Variants in TRAIP observed in about 807,000 individuals in gnomAD.
TRAIP encodes E3 ubiquitin-protein ligase TRAIP.
TRAIP carries 37 observed loss-of-function variants against 65.0 expected under a neutral mutation model. That is an observed-to-expected ratio of 0.57 (90% confidence interval 0.44 to 0.75). The LOEUF (loss-of-function observed/expected upper bound fraction) is 0.75. TRAIP is among the 30% of genes least tolerant of loss of function. The pLI, the probability that TRAIP is intolerant of heterozygous loss-of-function variation, is 0.00. For missense variants in TRAIP, 481 were observed against 579.4 expected (o/e 0.83, Z 1.74); for synonymous variants, 187 against 219.1 (o/e 0.85, Z 1.29).
rs1308368394 is a variant in TRAIP, at chr3:49,830,072, C to T, written c.1038-4G>A. The T allele has an allele frequency of 6.2e-7, 1 of 1,613,998 alleles. No individual in the cohort carries two copies. The highest frequency in any genetic ancestry group is 8.5e-7 in the Non-Finnish European group (1 of 1,180,020). On this transcript the variant is annotated splice_polypyrimidine_tract_variant and splice_region_variant and intron_variant, in intron 11 of 14. Coordinates refer to ENST00000331456, the MANE Select transcript of TRAIP (RefSeq NM_005879.3). ...GGGGACATCCTGAATTGGGGAGCTA[C>T]AAGAATGAGAGAGAAGGCAAGGGGT...
At position 49,829,673 on chromosome 3, in the gene TRAIP, G is replaced by C; in HGVS notation, c.1180C>G (p.Leu394Val). The C allele has an allele frequency of 1.2e-6, 2 of 1,614,166 alleles. No homozygotes were observed. Among genetic ancestry groups the C allele is most frequent in the Non-Finnish European group, 1.7e-6 (2 of 1,180,036 alleles). Residue 394 changes from leucine to valine, a missense_variant, in exon 13 of 15, where the codon CTA (leucine) becomes GTA (valine). Transcript: ENST00000331456. ...GGCCTCTTGGGCTGTTTCTGGCCTA[G>C]GATGGCATTCCGGACAAAAATAGGG... is the stretch of plus-strand genomic sequence containing the variant. ...AFPIFVRNAI[L>V]GQKQPKRPRS...
rs1139895 is a variant in TRAIP at position 49,829,015 on chromosome 3, G to A, written c.*88C>T. The A allele has an allele frequency of 6.3e-7, 1 of 1,588,588 alleles. No homozygotes were observed. Among genetic ancestry groups the A allele is most frequent in the Non-Finnish European group, 8.6e-7 (1 of 1,160,132 alleles). On this transcript the variant is annotated 3_prime_UTR_variant, in exon 15 of 15. Coordinates refer to ENST00000331456, the MANE Select transcript of TRAIP (RefSeq NM_005879.3). The stretch of plus-strand genomic sequence containing the variant: ...TACACCTCAGGCTGGTCCCGAAAGT[G>A]GGGCTCTGTCCACAAAACCCCTGCC...
Position 49,841,747 on chromosome 3 carries a change from C to T in TRAIP, c.617+79G>A, listed in dbSNP as rs1305509696. ...TTGCCCCTTAGTTCCATCTGCTTTA[C>T]AAGAGATGGGGAGCAATGACACGGC... On this transcript the variant is annotated intron_variant, in intron 7 of 14. Coordinates refer to ENST00000331456, the MANE Select transcript of TRAIP (RefSeq NM_005879.3). 5.2e-6 allele frequency: 6 copies of T among 1,148,700 alleles called. No homozygotes were observed. The East Asian group carries it at 7.2e-5, about 14-fold the overall frequency. 71.2% of individuals were successfully genotyped at this position (1,148,700 alleles called of 1,614,324 possible).
chr3:49,839,079 C>G (rs1172410724), intron 10 of TRAIP, among the ~76,000 whole-genome samples: 1 of 151,828 alleles, frequency 6.6e-6, no homozygotes, highest in African/African-American at 2.4e-5. Context: ...ATCCCAGCTA[C>G]TCAGGAGGCT....
intron 5 of TRAIP, 62 bp downstream of exon 5, chr3:49,843,739 G>A (rs767707412): frequency 1.2e-5 from 19 of 1,574,228 alleles, no homozygotes; most frequent in Non-Finnish European, 1.5e-5. Context: ...CCAGAATGGG[G>A]AGTCCAGTTC....
Position 49,829,210 on chromosome 3 carries a change from T to A in TRAIP, c.1303A>T (p.Ile435Phe). The A allele has an allele frequency of 6.2e-7, 1 of 1,614,162 alleles. No homozygotes were observed. The highest frequency in any genetic ancestry group is 1.3e-5 in the African/African-American group (1 of 75,018). ...KFIQPTDTVM[I>F]RPLPVKPKTK... ...TTGGGCTTAACAGGCAATGGGCGGA[T>A]CATGACTGTGTCAGTCTGGAGGAGC... The change falls in exon 15 of 15, where the codon ATC becomes TTC. Residue 435 changes from isoleucine (I) to phenylalanine (F), a missense_variant. Coordinates refer to ENST00000331456, the MANE Select transcript of TRAIP (RefSeq NM_005879.3).
At chr3:49,843,752 G>A (rs1181625300) in intron 5 of TRAIP, 49 bp downstream of exon 5, 3 of 1,588,526 alleles carry the variant, frequency 1.9e-6, no homozygotes, top group African/African-American at 2.7e-5. Context: ...TCCAGTTCTG[G>A]GGCAATACCT....
At position 49,856,532 on chromosome 3, in the gene TRAIP, G is replaced by C. The variant is rs1423863221; in HGVS notation, c.-79C>G. On this transcript the variant is annotated 5_prime_UTR_variant, in exon 1 of 15. Transcript: ENST00000331456. The stretch of plus-strand genomic sequence containing the variant: ...TTCGTAGACGCGCCCCCGCGCCTCC[G>C]CTTGCTTCAAATTTGGCTCCGCAGC... The C allele has an allele frequency of 3.0e-6, 4 of 1,355,206 alleles. No individual in the cohort carries two copies. The highest frequency in any genetic ancestry group is 1.9e-4 in the Middle Eastern group (1 of 5,292). 83.9% of individuals were successfully genotyped at this position (1,355,206 alleles called of 1,614,324 possible). A position where few individuals can be genotyped will look rare whatever the true frequency, so the allele number is the denominator to read the frequency against.
At chr3:49,838,437 G>C (rs550830088) in intron 10 of TRAIP, among the ~76,000 whole-genome samples, 16 of 152,346 alleles carry the variant, frequency 1.1e-4, no homozygotes, top group African/African-American at 3.6e-4. Flanking sequence ...TATATAGCTG[G>C]TTGGCTGTGG....
chr3:49,843,369 T>G (rs1055168041), intron 5 of TRAIP: 1 of 160,614 alleles, frequency 6.2e-6, no homozygotes, highest in Admixed American at 6.0e-5. Context: ...ACAGCTGACT[T>G]CAAAGGCCCT....
chr3:49,855,556 T>C (rs933571998), intron 1 of TRAIP, among the ~76,000 whole-genome samples: 7 of 152,216 alleles, frequency 4.6e-5, no homozygotes, highest in African/African-American at 1.2e-4. Flanking sequence ...ATTTCTAGTC[T>C]AACCAAACAG....
At position 49,832,450 on chromosome 3, in the gene TRAIP, A is replaced by G. The variant is rs967229683; in HGVS notation, c.885-382T>C. On this transcript the variant is annotated intron_variant, in intron 10 of 14. Coordinates refer to ENST00000331456, the MANE Select transcript of TRAIP (RefSeq NM_005879.3). The stretch of plus-strand genomic sequence containing the variant: ...GCTTGCGGTGAGCCGAGATCGCGCC[A>G]CTGCACTCCAGCCTGGGCGACAGAG... Among the ~76,000 whole-genome samples, 14 of 149,006 alleles carry G rather than the reference A, an allele frequency of 9.4e-5. No individual in the cohort carries two copies. The South Asian group carries it at 3.0e-3, about 31-fold the overall frequency.
intron 1 of TRAIP, among the ~76,000 whole-genome samples, chr3:49,853,488 A>G (rs1200280159): frequency 7.9e-5 from 12 of 152,264 alleles, no homozygotes; most frequent in African/African-American, 2.9e-4. Context: ...AAAAAGATAT[A>G]CCATGCAGTC....
intron 3 of TRAIP, among the ~76,000 whole-genome samples, chr3:49,847,232 A>G (rs530281133): frequency 1.3e-3 from 199 of 151,070 alleles, no homozygotes; most frequent in Middle Eastern, 3.4e-3. Context: ...AAATAAAAAA[A>G]TTAACCGAGC....
At chr3:49,855,742 T>C (rs1243044524) in intron 1 of TRAIP, among the ~76,000 whole-genome samples, 3 of 152,142 alleles carry the variant, frequency 2.0e-5, no homozygotes, top group Non-Finnish European at 4.4e-5. Context: ...CGCTGCCTTA[T>C]CTCTTTTGCT....
intron 1 of TRAIP, among the ~76,000 whole-genome samples, chr3:49,855,845 C>A (rs980401311): frequency 6.6e-6 from 1 of 152,230 alleles, no homozygotes; most frequent in African/African-American, 2.4e-5. Flanking sequence ...GTCAGCAGGA[C>A]CCCTGGATAG....
chr3:49,836,813 C>T (rs59684465), intron 10 of TRAIP, among the ~76,000 whole-genome samples: 26,980 of 152,004 alleles, frequency 0.18, 2,747 homozygotes, highest in African/African-American at 0.26. Flanking sequence ...TCTTCATCAC[C>T]CTCTCCCCTG....
rs746577850 is a variant in TRAIP, at chr3:49,843,868, C to A, written c.341G>T (p.Arg114Leu). Residue 114 changes from arginine to leucine, a missense_variant, in exon 5 of 15, where the codon CGC (arginine) becomes CTC (leucine). Transcript: ENST00000331456. ...CTGCAGAGATACCACAGTAGCATTG[C>A]GTTCTTCCAGCGTATCCCGCAGAGT... is the stretch of plus-strand genomic sequence containing the variant. ...IDTLRDTLEE[R>L]NATVVSLQQA... is the part of the protein sequence containing the mutation. 6.2e-7 allele frequency: 1 copy of A among 1,613,756 alleles called. No homozygotes were observed. The highest frequency in any genetic ancestry group is 8.5e-7 in the Non-Finnish European group (1 of 1,179,748).
At chr3:49,852,839 C>T (rs1315491638) in intron 1 of TRAIP, among the ~76,000 whole-genome samples, 10 of 151,978 alleles carry the variant, frequency 6.6e-5, no homozygotes, top group Non-Finnish European at 1.3e-4. Context: ...AAAAGAAATT[C>T]GGCCAGGCAC....
Sources: gnomAD v4.1 joint callset for allele counts (sites outside exome capture counted in the v4.1 genomes callset) on GRCh38, gnomAD v4.1.1 for gene constraint, MANE v1.5 for transcripts, NCBI Gene and HGNC (gene_info 2026-07-23, HGNC 2026-07-21) for gene names.